Variants in EIF1AX observed in about 807,000 individuals in gnomAD.
EIF1AX encodes eukaryotic translation initiation factor 1A, X-chromosomal.
In EIF1AX, 1 loss-of-function variant was observed where a neutral mutation model predicts 16.1. That is an observed-to-expected ratio of 0.06 (90% CI 0.02 to 0.30). EIF1AX has a LOEUF of 0.30. Among genes scored for constraint, EIF1AX ranks in the 10% least tolerant of loss-of-function variants. The pLI is 1.00. For synonymous variants in EIF1AX, 32 were observed against 37.3 expected (o/e 0.86, Z 0.51); for missense variants, 11 against 109.1 (o/e 0.10, Z 4.00).
At chrX:20,128,987 T>G (rs1198303794) in intron 6 of EIF1AX, among the ~76,000 whole-genome samples, 1 of 110,173 alleles carries the variant, frequency 9.1e-6, no homozygotes, top group Non-Finnish European at 1.9e-5. Context: ...GTCAAAATGT[T>G]TGGGTTGGCG....
At position 20,126,175 on chromosome X, in the gene EIF1AX, A is replaced by T. The variant is rs2066984654; in HGVS notation, c.*2131T>A. ...TAGCTTATAGCACTGTATTATAGGA[A>T]TCAGAGTGTATAAGCAAAAAAATGA... On this transcript the variant is annotated 3_prime_UTR_variant, in exon 7 of 7. Coordinates refer to ENST00000379607, the MANE Select transcript of EIF1AX (RefSeq NM_001412.4). The T allele has an allele frequency of 7.3e-6, 1 of 136,669 alleles. No homozygotes were observed. Among genetic ancestry groups the T allele is most frequent in the Non-Finnish European group, 1.5e-5 (1 of 68,150 alleles). The allele number at this position is 136,669 out of a possible 1,213,427, so 11.3% of individuals were successfully genotyped here. A position where few individuals can be genotyped will look rare whatever the true frequency, so the allele number is the denominator to read the frequency against.
rs1025408827 is a variant in EIF1AX, at chrX:20,125,580, C to G, written c.*2726G>C. 4.2e-5 allele frequency: 7 copies of G among 168,083 alleles called. No homozygotes were observed. The highest frequency in any genetic ancestry group is 2.1e-4 in the African/African-American group (7 of 33,643). 13.9% of individuals were successfully genotyped at this position (168,083 alleles called of 1,213,427 possible). ...CTGATACTTTAGCTGTCAATCCAGT[C>G]AATACCGGTTGTTGTTAAGTCTGTA... On this transcript the variant is annotated 3_prime_UTR_variant, in exon 7 of 7. Coordinates refer to ENST00000379607, the MANE Select transcript of EIF1AX (RefSeq NM_001412.4).
chrX:20,137,834 C>T (rs1007671329), intron 2 of EIF1AX, among the ~76,000 whole-genome samples: 1 of 110,194 alleles, frequency 9.1e-6, no homozygotes, highest in Non-Finnish European at 1.9e-5. Flanking sequence ...CATAGAACTG[C>T]CAACTAAATC....
At chrX:20,137,232 T>TA (rs984726050) in intron 2 of EIF1AX, among the ~76,000 whole-genome samples, 5 of 110,672 alleles carry the variant, frequency 4.5e-5, no homozygotes, top group Admixed American at 2.9e-4. Flanking sequence ...ATCACGAGGT[T>TA]AGGAGATCGA....
intron 5 of EIF1AX, among the ~76,000 whole-genome samples, chrX:20,131,510 T>C (rs1023491506): frequency 1.8e-5 from 2 of 108,891 alleles, no homozygotes; most frequent in African/African-American, 6.7e-5. Context: ...TGCATGCCTG[T>C]AATCTCAGCT....
At chrX:20,133,067 C>T (rs1402019377) in intron 4 of EIF1AX, among the ~76,000 whole-genome samples, 2 of 111,316 alleles carry the variant, frequency 1.8e-5, no homozygotes, top group African/African-American at 3.3e-5. Flanking sequence ...AGCCATTGAC[C>T]ACCCTGTAAG....
chrX:20,132,343 A>C (rs1308485139), intron 4 of EIF1AX, 80 bp from the exon 5 acceptor site: 1 of 623,691 alleles, frequency 1.6e-6, no homozygotes, highest in Non-Finnish European at 2.5e-6. Flanking sequence ...CATATTGAAT[A>C]AACAATCAAA....
At chrX:20,136,922 T>C (rs2067018695) in intron 2 of EIF1AX, among the ~76,000 whole-genome samples, 1 of 111,785 alleles carries the variant, frequency 8.9e-6, no homozygotes, top group African/African-American at 3.3e-5. Flanking sequence ...TTTATATGTA[T>C]GGCGTAATAA....
At chrX:20,138,489 AAAAAAGAAAGGATGTTATTTT>A (rs2067024630) in intron 2 of EIF1AX, 29 bp downstream of exon 2, 1 of 1,023,090 alleles carries the variant, frequency 9.8e-7, no homozygotes, top group Admixed American at 2.2e-5. Context: ...GTCCCCAGCT[AAAAAAGAAAGGATGTTATTTT>A]AAAAAGCGTA....
In EIF1AX at chrX:20,124,927, T is replaced by C. The variant is rs1373711740; in HGVS notation, c.*3379A>G. 3 of 149,776 alleles carry C rather than the reference T, an allele frequency of 2.0e-5. No individual in the cohort carries two copies. Among genetic ancestry groups the C allele is most frequent in the East Asian group, 1.0e-4 (1 of 9,678 alleles). The allele number at this position is 149,776 out of a possible 1,213,427, so 12.3% of individuals were successfully genotyped here. On this transcript the variant is annotated 3_prime_UTR_variant, in exon 7 of 7. Transcript: ENST00000379607. ...CGCAAAAGAAATGGGAAATACAGAA[T>C]ACAGAAGACATGCACCTTCTATCTT...
chrX:20,141,800 G>A lies in EIF1AX; in HGVS notation c.-160C>T, dbSNP rs1313587221. The stretch of plus-strand genomic sequence containing the variant: ...GAGAGGCTGGCGACCCAGCTCTTCA[G>A]AGATCCGCCTGCGTCCACGCTCGGC... On this transcript the variant is annotated 5_prime_UTR_variant, in exon 1 of 7. Coordinates refer to ENST00000379607, the MANE Select transcript of EIF1AX (RefSeq NM_001412.4). 4 of 500,736 alleles carry A rather than the reference G, an allele frequency of 8.0e-6. No homozygotes were observed. The highest frequency in any genetic ancestry group is 2.5e-5 in the African/African-American group (1 of 39,529). 41.3% of individuals were successfully genotyped at this position (500,736 alleles called of 1,213,427 possible). A position where few individuals can be genotyped will look rare whatever the true frequency, so the allele number is the denominator to read the frequency against.
chrX:20,134,203 A>G (rs2067008897), intron 3 of EIF1AX, among the ~76,000 whole-genome samples, 196 bp from the exon 4 acceptor site: 2 of 111,462 alleles, frequency 1.8e-5, no homozygotes, highest in South Asian at 7.4e-4. Flanking sequence ...CCTGGCCAAC[A>G]TGGCAAAAAC....
rs1334570502 is a variant in EIF1AX at position 20,134,737 on chromosome X, C to CA, written c.205-731dup. Among the ~76,000 whole-genome samples the CA allele has an allele frequency of 8.2e-4, 69 of 84,309 alleles. 1 individual carries two copies. The highest frequency in any genetic ancestry group is 1.8e-3 in the African/African-American group (41 of 22,440). The allele number at this position is 84,309 out of a possible 115,157, so 73.2% of individuals were successfully genotyped here. On this transcript the variant is annotated intron_variant, in intron 3 of 6. Transcript: ENST00000379607. ...TGGATGACAGAGTGAGACTCTGTCT[C>CA]AAAAAAAAAAGAAAGAAAAAGAAAA...
chrX:20,141,517 G>A (rs1471032273), intron 1 of EIF1AX, 108 bp downstream of exon 1: 4 of 963,529 alleles, frequency 4.2e-6, no homozygotes, highest in Admixed American at 6.5e-5. Flanking sequence ...GGCAGGCAGG[G>A]CGGGAAGGAA....
Position 20,135,719 on chromosome X carries a change from T to C in EIF1AX, c.204+19A>G. On this transcript the variant is annotated intron_variant, in intron 3 of 6. Transcript: ENST00000379607. The stretch of plus-strand genomic sequence containing the variant: ...CCCCTTAACCAATTTTATATTAAAG[T>C]AAAACAAATCACACCTACCTTTTTT... The C allele has an allele frequency of 1.8e-6, 2 of 1,138,188 alleles. No homozygotes were observed. Among genetic ancestry groups the C allele is most frequent in the Non-Finnish European group, 2.4e-6 (2 of 829,150 alleles). The allele number at this position is 1,138,188 out of a possible 1,213,427, so 93.8% of individuals were successfully genotyped here. A position where few individuals can be genotyped will look rare whatever the true frequency, so the allele number is the denominator to read the frequency against.
intron 1 of EIF1AX, among the ~76,000 whole-genome samples, chrX:20,139,039 G>A: frequency 8.9e-6 from 1 of 111,998 alleles, no homozygotes; most frequent in Non-Finnish European, 1.9e-5. Flanking sequence ...TGAAGACAGT[G>A]TCTGGACAGA....
In EIF1AX at chrX:20,125,520, C is replaced by CA. The variant is rs2066982730; in HGVS notation, c.*2785dup. ...ATACAAATCATTTTCATCTTTATGA[C>CA]AGTCAGGTAACATCAAAAAAACCTT... On this transcript the variant is annotated 3_prime_UTR_variant, in exon 7 of 7. Coordinates refer to ENST00000379607, the MANE Select transcript of EIF1AX (RefSeq NM_001412.4). 1 of 168,877 alleles carries CA rather than the reference C, an allele frequency of 5.9e-6. No individual in the cohort carries two copies. The highest frequency in any genetic ancestry group is 3.0e-5 in the African/African-American group (1 of 33,740). The allele number at this position is 168,877 out of a possible 1,213,427, so 13.9% of individuals were successfully genotyped here. A position where few individuals can be genotyped will look rare whatever the true frequency, so the allele number is the denominator to read the frequency against.
rs563971807 is a variant in EIF1AX, at chrX:20,141,601, G to A, written c.16+24C>T. The stretch of plus-strand genomic sequence containing the variant: ...GGAGACCCGGCCGAGCAGAGCCGTG[G>A]TCCGGGGGTCCGGGCGGCATTACCT... On this transcript the variant is annotated intron_variant, in intron 1 of 6. Transcript: ENST00000379607. The A allele has an allele frequency of 4.3e-5, 49 of 1,150,412 alleles. No individual in the cohort carries two copies. In the South Asian group the frequency reaches 8.8e-4, roughly 21 times the overall value. 94.8% of individuals were successfully genotyped at this position (1,150,412 alleles called of 1,213,427 possible).
intron 1 of EIF1AX, among the ~76,000 whole-genome samples, chrX:20,141,224 TG>T (rs1280790920): frequency 9.0e-6 from 1 of 111,251 alleles, no homozygotes; most frequent in East Asian, 2.8e-4. Context: ...GACAGCACTC[TG>T]AAAGTTCAGA....
Sources: allele counts gnomAD v4.1 joint callset (sites outside exome capture counted in the v4.1 genomes callset), GRCh38; gene constraint gnomAD v4.1.1; transcripts MANE v1.5; gene names NCBI Gene and HGNC (gene_info 2026-07-23, HGNC 2026-07-21).